ACAP2: variants seen among roughly 807,000 people sequenced by gnomAD.
The protein encoded by ACAP2 is ArfGAP with coiled-coil, ankyrin repeat and PH domains 2.
A neutral mutation model predicts 115.8 loss-of-function variants in ACAP2; 39 were observed. That is an observed-to-expected ratio of 0.34 (90% confidence interval 0.26 to 0.44). ACAP2 has a LOEUF of 0.44. Among genes scored for constraint, ACAP2 ranks in the 20% least tolerant of loss-of-function variants. ACAP2 has a pLI of 1.00. For missense variants in ACAP2, 662 were observed against 927.6 expected (o/e 0.71, Z 3.72); for synonymous variants, 289 against 315.8 (o/e 0.92, Z 0.90).
chr3:195,399,107 T>C (rs1712048848), intron 1 of ACAP2, among the ~76,000 whole-genome samples: 1 of 152,180 alleles, frequency 6.6e-6, no homozygotes, highest in Non-Finnish European at 1.5e-5. Flanking sequence ...GTTTCTCTTC[T>C]AAGTAAGATT....
At chr3:195,308,533 A>AGG (rs1728559789) in intron 11 of ACAP2, among the ~76,000 whole-genome samples, 1 of 152,206 alleles carries the variant, frequency 6.6e-6, no homozygotes, top group South Asian at 2.1e-4. Flanking sequence ...AAAACATTTT[A>AGG]AACAATCCTG....
At position 195,392,574 on chromosome 3, in the gene ACAP2, C is replaced by T. The variant is rs529051123; in HGVS notation, c.54-427G>A. Reference sequence around the variant, plus strand: ...TTTCAGAAATAGCTCAGAACAATACCACCCTTGTTTTGTTTCCAAAGTATT... The same window carrying T: ...TTTCAGAAATAGCTCAGAACAATACTACCCTTGTTTTGTTTCCAAAGTATT... On this transcript the variant is annotated intron_variant, in intron 1 of 22. Transcript: ENST00000326793. Among the ~76,000 whole-genome samples the T allele has an allele frequency of 5.4e-4, 82 of 152,290 alleles. 1 individual carries two copies. The South Asian group carries it at 8.5e-3, about 16-fold the overall frequency.
At chr3:195,310,555 A>G (rs1728699350) in intron 10 of ACAP2, among the ~76,000 whole-genome samples, 1 of 152,248 alleles carries the variant, frequency 6.6e-6, no homozygotes, top group African/African-American at 2.4e-5. Context: ...GTTTTATATC[A>G]TAGTAAATTC....
At chr3:195,289,255 G>T (rs1487941227) in intron 20 of ACAP2, 24 bp from the exon 21 acceptor site, 1 of 1,542,478 alleles carries the variant, frequency 6.5e-7, no homozygotes, top group Non-Finnish European at 8.8e-7. Context: ...CAGCATTTTT[G>T]AGATATTGTC....
chr3:195,316,807 A>T (rs893168474), intron 10 of ACAP2, among the ~76,000 whole-genome samples: 1 of 152,134 alleles, frequency 6.6e-6, no homozygotes, highest in South Asian at 2.1e-4. Flanking sequence ...TTTGAATAAA[A>T]CAAACCATCT....
intron 10 of ACAP2, among the ~76,000 whole-genome samples, chr3:195,317,292 C>T (rs1338526410): frequency 6.6e-6 from 1 of 151,974 alleles, no homozygotes; most frequent in African/African-American, 2.4e-5. Context: ...TTCCATTTAA[C>T]AAAAATGTAC....
chr3:195,430,496 T>C (rs567435318), intron 1 of ACAP2, among the ~76,000 whole-genome samples: 1 of 152,198 alleles, frequency 6.6e-6, no homozygotes, highest in Admixed American at 6.5e-5. Context: ...GGCAGATCAC[T>C]TGAGGTCAGA....
At chr3:195,329,059 A>G (rs1729999034) in intron 8 of ACAP2, among the ~76,000 whole-genome samples, 1 of 151,062 alleles carries the variant, frequency 6.6e-6, no homozygotes, top group Non-Finnish European at 1.5e-5. Context: ...CAGCCTGGGC[A>G]ACAGAGTGAG....
At chr3:195,279,714 C>T (rs1359712565) in intron 22 of ACAP2, 1 of 201,772 alleles carries the variant, frequency 5.0e-6, no homozygotes, top group Non-Finnish European at 9.8e-6. Context: ...TAAAGAAATA[C>T]GTTTATTAAC....
At chr3:195,356,351 C>T (rs922604827) in intron 4 of ACAP2, 1 of 360,474 alleles carries the variant, frequency 2.8e-6, no homozygotes, top group Admixed American at 3.3e-5. Flanking sequence ...GCAAGCCTCG[C>T]CACCACAGGC....
At chr3:195,385,410 T>A (rs182592111) in intron 2 of ACAP2, among the ~76,000 whole-genome samples, 1 of 151,840 alleles carries the variant, frequency 6.6e-6, no homozygotes, top group Admixed American at 6.6e-5. Context: ...AAAAAATCTT[T>A]ATCTACTTAA....
At chr3:195,436,683 T>A (rs1430558061) in intron 1 of ACAP2, among the ~76,000 whole-genome samples, 1 of 152,130 alleles carries the variant, frequency 6.6e-6, no homozygotes. Flanking sequence ...GAAAGACATA[T>A]CCTCTTCTGA....
chr3:195,371,495 T>C (rs1434023920), intron 4 of ACAP2, among the ~76,000 whole-genome samples: 3 of 152,178 alleles, frequency 2.0e-5, no homozygotes, highest in African/African-American at 7.2e-5. Flanking sequence ...TCAAGTCATC[T>C]GCAAACAGTG....
Position 195,302,177 on chromosome 3 carries a change from A to G in ACAP2, c.1117-3T>C, listed in dbSNP as rs908489822. 24 of 1,608,954 alleles carry G rather than the reference A, an allele frequency of 1.5e-5. No homozygotes were observed. The highest frequency in any genetic ancestry group is 2.0e-5 in the Non-Finnish European group (24 of 1,178,118). ...GGAGATGATTTCTTATCCAGCTTCTAAAAGAATTAAGAATTACTTGTTTTT... is the reference window on the plus strand; with the variant it reads ...GGAGATGATTTCTTATCCAGCTTCTGAAAGAATTAAGAATTACTTGTTTTT... On this transcript the variant is annotated splice_polypyrimidine_tract_variant and splice_region_variant and intron_variant, in intron 13 of 22. Transcript: ENST00000326793.
intron 1 of ACAP2, among the ~76,000 whole-genome samples, chr3:195,438,921 C>T (rs940437523): frequency 6.6e-6 from 1 of 151,978 alleles, no homozygotes; most frequent in Non-Finnish European, 1.5e-5. Flanking sequence ...ATTAGCCAGG[C>T]GTGGAGGTGC....
chr3:195,393,667 T>C (rs1449531303), intron 1 of ACAP2, among the ~76,000 whole-genome samples: 1 of 152,228 alleles, frequency 6.6e-6, no homozygotes, highest in Non-Finnish European at 1.5e-5. Flanking sequence ...CCTCAGTCCC[T>C]TCACCTACTC....
rs1726276493 is a variant in ACAP2, at chr3:195,278,490, A to C, written c.*838T>G. On this transcript the variant is annotated 3_prime_UTR_variant, in exon 23 of 23. Transcript: ENST00000326793. ...GATTTTTCCTTTAAAGTTTTGATGA[A>C]GGCATAATTTTGTGACATTCAAGTA... 1 of 152,226 alleles carries C rather than the reference A, an allele frequency of 6.6e-6. No homozygotes were observed. The highest frequency in any genetic ancestry group is 2.1e-4 in the South Asian group (1 of 4,838). The allele number at this position is 152,226 out of a possible 1,614,324, so 9.4% of individuals were successfully genotyped here.
At chr3:195,352,506 T>C (rs1731680666) in intron 4 of ACAP2, among the ~76,000 whole-genome samples, 1 of 152,186 alleles carries the variant, frequency 6.6e-6, no homozygotes, top group African/African-American at 2.4e-5. Context: ...TCTTACAAAC[T>C]AGCCGTTTTA....
At chr3:195,378,904 A>G (rs1371056315) in intron 4 of ACAP2, among the ~76,000 whole-genome samples, 1 of 152,070 alleles carries the variant, frequency 6.6e-6, no homozygotes, top group African/African-American at 2.4e-5. Flanking sequence ...TATCTTAATC[A>G]TAACTTTTCA....
Sources: allele counts gnomAD v4.1 joint callset (sites outside exome capture counted in the v4.1 genomes callset), GRCh38; gene constraint gnomAD v4.1.1; transcripts MANE v1.5; gene names NCBI Gene and HGNC (gene_info 2026-07-23, HGNC 2026-07-21).